PLOD1: variants seen among roughly 807,000 people sequenced by gnomAD.
PLOD1 encodes the protein lysine hydroxylase.
In PLOD1, 70 loss-of-function variants were observed where a neutral mutation model predicts 94.7. The observed-to-expected ratio is 0.74, with a 90% CI of 0.61 to 0.90. The LOEUF is 0.90. Ranked by LOEUF, PLOD1 falls within the 40% of genes least tolerant of loss-of-function variation. PLOD1 has a pLI of 0.00. For synonymous variants in PLOD1, 417 were observed against 400.2 expected (o/e 1.04, Z -0.50); for missense variants, 905 against 972.7 (o/e 0.93, Z 0.93).
At chr1:11,936,330 T>C (rs1475256096) in intron 1 of PLOD1, among the ~76,000 whole-genome samples, 2 of 151,696 alleles carry the variant, frequency 1.3e-5, no homozygotes, top group Admixed American at 1.3e-4. Flanking sequence ...CTCCCTGGCA[T>C]GGGCCATCTC....
chr1:11,960,581 G>A, intron 9 of PLOD1, 65 bp from the exon 10 acceptor site: 1 of 1,168,858 alleles, frequency 8.6e-7, no homozygotes, highest in South Asian at 1.2e-5. Context: ...AGGTGCTACA[G>A]TCCCTGGGTG....
intron 2 of PLOD1, among the ~76,000 whole-genome samples, chr1:11,948,965 C>T (rs902397477): frequency 4.6e-5 from 7 of 152,148 alleles, no homozygotes; most frequent in African/African-American, 1.7e-4. Context: ...ATTAAGTCAG[C>T]AAGCAAGTGT....
chr1:11,946,207 A>C (rs1645653768), intron 1 of PLOD1, among the ~76,000 whole-genome samples: 1 of 152,206 alleles, frequency 6.6e-6, no homozygotes, highest in South Asian at 2.1e-4. Flanking sequence ...GATTCTAACC[A>C]GGCAGGCTAG....
intron 5 of PLOD1, among the ~76,000 whole-genome samples, chr1:11,953,629 T>G (rs923083037): frequency 1.2e-4 from 18 of 151,420 alleles, no homozygotes; most frequent in African/African-American, 4.4e-4. Flanking sequence ...CTGTCTCTAC[T>G]AAAAATATAA....
At chr1:11,960,503 G>A (rs577355035) in intron 9 of PLOD1, 143 bp from the exon 10 acceptor site, 5 of 703,332 alleles carry the variant, frequency 7.1e-6, no homozygotes, top group African/African-American at 5.2e-5. Flanking sequence ...CATGGGCAAA[G>A]GTCTGGAGAC....
intron 10 of PLOD1, among the ~76,000 whole-genome samples, 158 bp downstream of exon 10, chr1:11,960,925 AGG>A (rs1645774071): frequency 6.6e-6 from 1 of 152,024 alleles, no homozygotes; most frequent in African/African-American, 2.4e-5. Flanking sequence ...ATCTGTCAAA[AGG>A]GGAAATAGCC....
At chr1:11,971,270 T>G (rs1245740268) in intron 17 of PLOD1, among the ~76,000 whole-genome samples, 33 of 89,264 alleles carry the variant, frequency 3.7e-4, no homozygotes, top group Non-Finnish European at 5.1e-4. Context: ...GGCTGGAGAG[T>G]CTGGCAAGGG....
Position 11,944,796 on chromosome 1 carries a change from C to T in PLOD1, c.77-3180C>T, listed in dbSNP as rs539162958. The T allele has an allele frequency of 9.8e-4, 551 of 562,586 alleles. 4 individuals are homozygous for T. In the South Asian group the frequency reaches 0.011, roughly 11 times the overall value. 34.8% of individuals were successfully genotyped at this position (562,586 alleles called of 1,614,324 possible). On this transcript the variant is annotated intron_variant, in intron 1 of 18. Transcript: ENST00000196061. ...CTGCCCTGGGGCCAGCTCCCTGCCC[C>T]GGCTACCCCTGCCCCAGCTACCCCT...
intron 1 of PLOD1, chr1:11,944,390 C>A: frequency 4.8e-6 from 2 of 418,510 alleles, no homozygotes; most frequent in Non-Finnish European, 8.7e-6. Context: ...AGAGCCTGTT[C>A]CATCAAGAAT....
intron 1 of PLOD1, among the ~76,000 whole-genome samples, chr1:11,937,167 G>A (rs1645585720): frequency 6.6e-6 from 1 of 152,164 alleles, no homozygotes; most frequent in South Asian, 2.1e-4. Flanking sequence ...CATTTCTTGA[G>A]TACCTCCCTC....
intron 1 of PLOD1, among the ~76,000 whole-genome samples, chr1:11,945,583 G>C (rs1645647763): frequency 2.0e-5 from 3 of 152,112 alleles, no homozygotes; most frequent in Admixed American, 6.5e-5. Context: ...CCTCCAGTTG[G>C]AGGAGGGCCT....
chr1:11,955,335 T>C (rs1289242765), intron 6 of PLOD1, among the ~76,000 whole-genome samples: 1 of 152,236 alleles, frequency 6.6e-6, no homozygotes, highest in Non-Finnish European at 1.5e-5. Flanking sequence ...CTCATGTCTG[T>C]GGCTGGTGAT....
chr1:11,937,866 C>T (rs907008358), intron 1 of PLOD1, among the ~76,000 whole-genome samples: 1 of 151,790 alleles, frequency 6.6e-6, no homozygotes, highest in African/African-American at 2.4e-5. Flanking sequence ...AATGTCAGGC[C>T]AGTCTGAGTT....
rs969005499 is a variant in PLOD1, at chr1:11,957,499, C to T, written c.742-343C>T. Among the ~76,000 whole-genome samples the T allele has an allele frequency of 4.6e-5, 7 of 152,188 alleles. No homozygotes were observed. The highest frequency in any genetic ancestry group is 4.6e-4 in the Admixed American group (7 of 15,272). On this transcript the variant is annotated intron_variant, in intron 7 of 18. Transcript: ENST00000196061. This position sits in a 1 kb window ranked among gnomAD's most constrained non-coding sequence, Gnocchi z 4.1. ...CATAGCATATTTGAGTGTGGTCCTT[C>T]ACCGCTGGAATGAGGGAGAGGAAGG...
At chr1:11,947,301 T>C (rs1645663070) in intron 1 of PLOD1, among the ~76,000 whole-genome samples, 1 of 149,850 alleles carries the variant, frequency 6.7e-6, no homozygotes, top group Non-Finnish European at 1.5e-5. Context: ...TGGTCGGGCA[T>C]GATGACTCAT....
At position 11,974,900 on chromosome 1, in the gene PLOD1, C is replaced by A; in HGVS notation, c.*92C>A. The A allele has an allele frequency of 1.6e-6, 2 of 1,245,214 alleles. No individual in the cohort carries two copies. The highest frequency in any genetic ancestry group is 1.2e-5 in the South Asian group (1 of 83,422). 77.1% of individuals were successfully genotyped at this position (1,245,214 alleles called of 1,614,324 possible). A position where few individuals can be genotyped will look rare whatever the true frequency, so the allele number is the denominator to read the frequency against. Reference sequence around the variant, plus strand: ...ACCTCGGGGTCCCAGGGAACCCAGTCCAGCCTCCTGGCTGTTGACTTCCCA... The same window carrying A: ...ACCTCGGGGTCCCAGGGAACCCAGTACAGCCTCCTGGCTGTTGACTTCCCA... On this transcript the variant is annotated 3_prime_UTR_variant, in exon 19 of 19. Transcript: ENST00000196061.
Position 11,950,408 on chromosome 1 carries a change from G to A in PLOD1, c.354G>A (p.Arg118=), listed in dbSNP as rs746072884. The A allele has an allele frequency of 4.4e-5, 71 of 1,614,040 alleles. No homozygotes were observed. The highest frequency in any genetic ancestry group is 5.9e-5 in the Non-Finnish European group (70 of 1,179,996). The change falls in exon 4 of 19, where the codon CGG becomes CGA. Residue 118 remains arginine, a synonymous_variant. Coordinates refer to ENST00000196061, the MANE Select transcript of PLOD1 (RefSeq NM_000302.4). ...CCCGGGAGCTCCTGAAGAAGTTCCG[G>A]CAGGCCAGGAGCCAGGTGGTCTTCT... The part of the protein sequence containing the change: ...SGPRELLKKF[R]QARSQVVFSA...
intron 9 of PLOD1, among the ~76,000 whole-genome samples, chr1:11,959,108 G>A (rs1645760121): frequency 6.6e-6 from 1 of 152,024 alleles, no homozygotes; most frequent in Non-Finnish European, 1.5e-5. Context: ...AGGAGGCTGA[G>A]GCAGGAGAAT....
intron 5 of PLOD1, chr1:11,954,611 A>T: frequency 1.3e-6 from 1 of 766,916 alleles, no homozygotes; most frequent in Admixed American, 1.7e-5. Context: ...TCCAGTTCAG[A>T]GTCCCTGGTT....
Sources: gnomAD v4.1 joint callset for allele counts (sites outside exome capture counted in the v4.1 genomes callset) on GRCh38, gnomAD v4.1.1 for gene constraint, Gnocchi (gnomAD v3.1) non-coding constraint, MANE v1.5 for transcripts, NCBI Gene and HGNC (gene_info 2026-07-23, HGNC 2026-07-21) for gene names.